The following GRID2 variants were observed in gnomAD, a reference collection of about 807,000 sequenced individuals.
GRID2 encodes glutamate receptor ionotropic, delta-2.
In GRID2, 33 loss-of-function variants were observed where a neutral mutation model predicts 114.8. The ratio of observed to expected loss-of-function variants is 0.29; its 90% confidence interval spans 0.22 to 0.38. GRID2 has a LOEUF of 0.38. GRID2 is among the 10% of genes least tolerant of loss of function. The probability of loss-of-function intolerance (pLI) is 1.00; values close to 1 mark genes in which losing one functional copy is unlikely to be tolerated. For synonymous variants in GRID2, 505 were observed against 449.9 expected (o/e 1.12, Z -1.55); for missense variants, 1,184 against 1,257.7 (o/e 0.94, Z 0.89).
At chr4:92,829,413 C>A (rs1741948247) in intron 2 of GRID2, among the ~76,000 whole-genome samples, 1 of 151,994 alleles carries the variant, frequency 6.6e-6, no homozygotes, top group Admixed American at 6.6e-5. Context: ...GTTAGAATGG[C>A]AATCATTTAA....
chr4:92,943,297 C>A (rs1396163060), intron 2 of GRID2, among the ~76,000 whole-genome samples: 2 of 152,096 alleles, frequency 1.3e-5, no homozygotes, highest in Non-Finnish European at 1.5e-5. Flanking sequence ...CTGAACTTCT[C>A]TTCTCACTTC....
At chr4:93,506,133 A>C (rs1728602610) in intron 12 of GRID2, among the ~76,000 whole-genome samples, 1 of 152,226 alleles carries the variant, frequency 6.6e-6, no homozygotes, top group Admixed American at 6.6e-5. Flanking sequence ...ATGTTCCCCT[A>C]AGTAGTCCAT....
chr4:92,802,742 T>C (rs529890514), intron 2 of GRID2, among the ~76,000 whole-genome samples: 1 of 152,038 alleles, frequency 6.6e-6, no homozygotes, highest in African/African-American at 2.4e-5. Flanking sequence ...TGTCATACTG[T>C]TTGGTTATAG....
At chr4:92,486,237 A>G (rs1159542131) in intron 1 of GRID2, among the ~76,000 whole-genome samples, 1 of 151,728 alleles carries the variant, frequency 6.6e-6, no homozygotes, top group African/African-American at 2.4e-5. Context: ...AATCACCTTT[A>G]TCATCCCATT....
chr4:93,205,951 G>T (rs1053403976), intron 4 of GRID2, among the ~76,000 whole-genome samples: 7 of 152,064 alleles, frequency 4.6e-5, no homozygotes, highest in Non-Finnish European at 1.0e-4. Context: ...CTGCATAAAT[G>T]TCTTATTTTG....
chr4:93,467,584 G>C (rs769096508), intron 11 of GRID2, among the ~76,000 whole-genome samples: 1 of 152,152 alleles, frequency 6.6e-6, no homozygotes, highest in African/African-American at 2.4e-5. Flanking sequence ...TATATCAGCA[G>C]GGACTGTCTA....
At chr4:93,536,187 G>A (rs550106807) in intron 13 of GRID2, among the ~76,000 whole-genome samples, 176 of 151,896 alleles carry the variant, frequency 1.2e-3, no homozygotes, top group Non-Finnish European at 1.8e-3. Context: ...ACTATTTTAC[G>A]TAAATAGAAA....
At chr4:93,088,627 G>GC (rs955790173) in intron 3 of GRID2, among the ~76,000 whole-genome samples, 4 of 151,996 alleles carry the variant, frequency 2.6e-5, no homozygotes, top group African/African-American at 9.7e-5. Flanking sequence ...GTGAGAAACA[G>GC]CCCCCCTACC....
intron 13 of GRID2, among the ~76,000 whole-genome samples, chr4:93,523,218 C>T (rs1730508211): frequency 6.6e-6 from 1 of 151,942 alleles, no homozygotes; most frequent in African/African-American, 2.4e-5. Context: ...TGCAGTATCC[C>T]CAGAAGATAA....
intron 2 of GRID2, among the ~76,000 whole-genome samples, chr4:93,042,689 AT>A (rs1179434000): frequency 1.4e-5 from 2 of 144,042 alleles, no homozygotes; most frequent in Non-Finnish European, 3.0e-5. Context: ...CTATATATAT[AT>A]GCATATATAT....
intron 11 of GRID2, among the ~76,000 whole-genome samples, chr4:93,480,624 T>G (rs1725758039): frequency 6.6e-6 from 1 of 152,100 alleles, no homozygotes; most frequent in Non-Finnish European, 1.5e-5. Context: ...CATGACTCAC[T>G]GTGGTAATTT....
At chr4:93,164,106 G>A (rs1738018336) in intron 4 of GRID2, among the ~76,000 whole-genome samples, 1 of 151,770 alleles carries the variant, frequency 6.6e-6, no homozygotes. Context: ...GGGCCTTAAT[G>A]TATTCTGGCT....
At chr4:92,874,615 A>G (rs2149449726) in intron 2 of GRID2, among the ~76,000 whole-genome samples, 1 of 152,334 alleles carries the variant, frequency 6.6e-6, no homozygotes, top group Admixed American at 6.5e-5. Flanking sequence ...TTAAAAAATT[A>G]CAACATTTGT....
intron 1 of GRID2, among the ~76,000 whole-genome samples, chr4:92,556,569 G>T (rs1473796603): frequency 6.6e-6 from 1 of 152,036 alleles, no homozygotes; most frequent in Admixed American, 6.6e-5. Context: ...TAGTTTTTGT[G>T]GGTTAGGAAT....
rs773709276 is a variant in GRID2, at chr4:93,490,966, A to AT, written c.1997+195dup. ...CCTGGAAATGCAGTATTGGTAGAGCATTTTTTATAAAGTAAAAATTTGGCT... is the reference window on the plus strand; with the variant it reads ...CCTGGAAATGCAGTATTGGTAGAGCATTTTTTTATAAAGTAAAAATTTGGCT... On this transcript the variant is annotated intron_variant, in intron 12 of 15. Transcript: ENST00000282020. 3.0e-3 allele frequency among the ~76,000 whole-genome samples: 452 copies of AT among 152,036 alleles called. 2 individuals carry two copies. The highest frequency in any genetic ancestry group is 6.8e-3 in the Middle Eastern group (2 of 294).
At chr4:92,966,052 A>G (rs772823548) in intron 2 of GRID2, among the ~76,000 whole-genome samples, 13 of 151,880 alleles carry the variant, frequency 8.6e-5, no homozygotes, top group Non-Finnish European at 1.9e-4. Flanking sequence ...TCAGGAGGAA[A>G]CTCTCACAAT....
intron 1 of GRID2, among the ~76,000 whole-genome samples, chr4:92,366,122 CATATCAATAAA>C (rs1358773746): frequency 6.6e-6 from 1 of 151,932 alleles, no homozygotes; most frequent in African/African-American, 2.4e-5. Flanking sequence ...ACTTGCTTAT[CATATCAATAAA>C]ATAGCATAAT....
intron 12 of GRID2, among the ~76,000 whole-genome samples, chr4:93,510,065 A>T (rs1329723513): frequency 1.3e-5 from 2 of 152,150 alleles, no homozygotes; most frequent in East Asian, 3.9e-4. Flanking sequence ...TGCTTGTCAT[A>T]TACCCCTATT....
At chr4:93,502,714 C>A (rs5000358) in intron 12 of GRID2, among the ~76,000 whole-genome samples, 42,768 of 132,432 alleles carry the variant, frequency 0.32, 6,288 homozygotes, top group Middle Eastern at 0.43. Context: ...CACTCCCCCC[C>A]CCCACACACA....
Sources: allele counts gnomAD v4.1 joint callset (sites outside exome capture counted in the v4.1 genomes callset), GRCh38; gene constraint gnomAD v4.1.1; transcripts MANE v1.5; gene names NCBI Gene and HGNC (gene_info 2026-07-23, HGNC 2026-07-21).